DOT1L: variants seen among roughly 807,000 people sequenced by gnomAD.
The protein encoded by DOT1L is DOT1 like histone lysine methyltransferase.
DOT1L carries 33 observed loss-of-function variants against 153.3 expected under a neutral mutation model. The observed-to-expected ratio is 0.22, with a 90% CI of 0.16 to 0.29. The LOEUF (loss-of-function observed/expected upper bound fraction) is 0.29. Among genes scored for constraint, DOT1L ranks in the 10% least tolerant of loss-of-function variants. The probability of loss-of-function intolerance (pLI) is 1.00; values close to 1 mark genes in which losing one functional copy is unlikely to be tolerated. For missense variants in DOT1L, 1,847 were observed against 2,119.9 expected, an observed-to-expected ratio of 0.87 and a Z score of 2.53; for synonymous variants, 1,135 against 965.1, an observed-to-expected ratio of 1.18 and a Z score of -3.26.
intron 1 of DOT1L, among the ~76,000 whole-genome samples, chr19:2,177,079 C>T (rs974595905): frequency 6.6e-6 from 1 of 152,332 alleles, no homozygotes; most frequent in Middle Eastern, 3.4e-3. Context: ...CTGCACCCTG[C>T]AACATCCCGC....
Position 2,220,190 on chromosome 19 carries a change from C to T in DOT1L, c.2774C>T (p.Ala925Val), listed in dbSNP as rs2144891353. The stretch of plus-strand genomic sequence containing the variant: ...CAGATTGGTGCTAATGCCCACGGTG[C>T]TGGGAGCAGAAGCCTTGCCCTGGCC... ...EKQIGANAHGAGSRSLALAPA... is the reference protein window; with the variant it reads ...EKQIGANAHGVGSRSLALAPA... The change falls in exon 23 of 28, where the codon GCT becomes GTT. Residue 925 changes from alanine to valine, a missense_variant. This residue lies in a region of DOT1L where 68 missense variants were observed against 80.7 expected (regional missense o/e 0.84). Transcript: ENST00000398665. The surrounding 1 kb of genome is among the most constrained non-coding windows in gnomAD (Gnocchi z 4.5). 6.2e-7 allele frequency: 1 copy of T among 1,613,682 alleles called. No homozygotes were observed. Among genetic ancestry groups the T allele is most frequent in the Non-Finnish European group, 8.5e-7 (1 of 1,179,992 alleles).
At position 2,222,214 on chromosome 19, in the gene DOT1L, C is replaced by A. The variant is rs367797353; in HGVS notation, c.3045C>A (p.Ala1015=). 1.2e-6 allele frequency: 2 copies of A among 1,613,066 alleles called. No individual in the cohort carries two copies. Among genetic ancestry groups the A allele is most frequent in the African/African-American group, 2.7e-5 (2 of 75,050 alleles). Reference sequence around the variant, plus strand: ...CCTCCAGTCCCCGGCTTGGTGGGGCCGCCCAGGGCCCGTTGCCCGAGGCCA... The same window carrying A: ...CCTCCAGTCCCCGGCTTGGTGGGGCAGCCCAGGGCCCGTTGCCCGAGGCCA... ...QLSSSPRLGG[A]AQGPLPEASK... Residue 1015 remains alanine (A), a synonymous_variant, in exon 24 of 28, where the codon GCC becomes GCA. Transcript: ENST00000398665. This position sits in a 1 kb window ranked among gnomAD's most constrained non-coding sequence, Gnocchi z 6.5.
chr19:2,230,260 CT>C lies in DOT1L; in HGVS notation c.*469del, dbSNP rs2024541106. 2 of 427,374 alleles carry C rather than the reference CT, an allele frequency of 4.7e-6. No individual in the cohort carries two copies. The highest frequency in any genetic ancestry group is 8.2e-6 in the Non-Finnish European group (2 of 243,792). The allele number at this position is 427,374 out of a possible 1,614,324, so 26.5% of individuals were successfully genotyped here. On this transcript the variant is annotated 3_prime_UTR_variant, in exon 28 of 28. Transcript: ENST00000398665. ...GTTCTCGGAAACGCCGCCCGGCCGG[CT>C]CCCCCGACGCGCTGCTCCCGTACCA... is the stretch of plus-strand genomic sequence containing the variant.
chr19:2,223,897 A>T (rs1156562294), intron 25 of DOT1L, among the ~76,000 whole-genome samples: 2 of 152,158 alleles, frequency 1.3e-5, no homozygotes, highest in African/African-American at 4.8e-5. Context: ...GTATATCCAC[A>T]TTACCACTGC....
At position 2,220,260 on chromosome 19, in the gene DOT1L, T is replaced by G; in HGVS notation, c.2806+38T>G. 2 of 1,571,222 alleles carry G rather than the reference T, an allele frequency of 1.3e-6. No homozygotes were observed. The highest frequency in any genetic ancestry group is 1.7e-6 in the Non-Finnish European group (2 of 1,152,994). ...CTGTGCCCTACCCTCAGGACTCTGC[T>G]GCTGCTGCTGCTCTTCAGGCAGGAG... On this transcript the variant is annotated intron_variant, in intron 23 of 27. Coordinates refer to ENST00000398665, the MANE Select transcript of DOT1L (RefSeq NM_032482.3). This position sits in a 1 kb window ranked among gnomAD's most constrained non-coding sequence, Gnocchi z 4.5.
In DOT1L at chr19:2,217,995, CTT is replaced by C; in HGVS notation, c.2691+79_2691+80del. 2 of 1,542,696 alleles carry C rather than the reference CTT, an allele frequency of 1.3e-6. No individual in the cohort carries two copies. Among genetic ancestry groups the C allele is most frequent in the Non-Finnish European group, 1.7e-6 (2 of 1,144,590 alleles). On this transcript the variant is annotated intron_variant, in intron 22 of 27. Coordinates refer to ENST00000398665, the MANE Select transcript of DOT1L (RefSeq NM_032482.3). The surrounding 1 kb of genome is among the most constrained non-coding windows in gnomAD (Gnocchi z 7.3). The stretch of plus-strand genomic sequence containing the variant: ...TCTGGGGTGCTCGAGACCTGGCTCA[CTT>C]TGCGAAGTCTCACGCTGTAAAATGT...
chr19:2,196,348 T>G (rs569019286), intron 7 of DOT1L, among the ~76,000 whole-genome samples: 1 of 152,318 alleles, frequency 6.6e-6, no homozygotes, highest in East Asian at 1.9e-4. Context: ...TTTGTGCATG[T>G]GTGAAAGAAA....
At position 2,197,632 on chromosome 19, in the gene DOT1L, G is replaced by A. The variant is rs937667717; in HGVS notation, c.652-2252G>A. Reference sequence around the variant, plus strand: ...ACAGGTGCTCCTGGCATGGAGCTGCGTTCGTGGTCTGGATTCCGTGCAGGT... The same window carrying A: ...ACAGGTGCTCCTGGCATGGAGCTGCATTCGTGGTCTGGATTCCGTGCAGGT... On this transcript the variant is annotated intron_variant, in intron 7 of 27. Transcript: ENST00000398665. This position sits in a 1 kb window ranked among gnomAD's most constrained non-coding sequence, Gnocchi z 4.1. Among the ~76,000 whole-genome samples the A allele has an allele frequency of 3.3e-5, 5 of 152,186 alleles. No homozygotes were observed. The highest frequency in any genetic ancestry group is 7.2e-5 in the African/African-American group (3 of 41,434).
chr19:2,197,351 G>A lies in DOT1L; in HGVS notation c.652-2533G>A, dbSNP rs1367313455. On this transcript the variant is annotated intron_variant, in intron 7 of 27. Coordinates refer to ENST00000398665, the MANE Select transcript of DOT1L (RefSeq NM_032482.3). This position sits in a 1 kb window ranked among gnomAD's most constrained non-coding sequence, Gnocchi z 4.1. ...ACATGGGTTCCTGGCTGTGGCAGGC[G>A]AGCCACACAGATCCCAGCACAGAGG... 4.6e-5 allele frequency among the ~76,000 whole-genome samples: 7 copies of A among 152,138 alleles called. No homozygotes were observed. The highest frequency in any genetic ancestry group is 1.9e-4 in the East Asian group (1 of 5,194).
At chr19:2,164,325 G>T in intron 1 of DOT1L, 60 bp downstream of exon 1, 1 of 1,188,920 alleles carries the variant, frequency 8.4e-7, no homozygotes, top group Non-Finnish European at 1.1e-6. Context: ...CGCCCCTGGG[G>T]ACACCCCAAA....
At chr19:2,192,548 C>CTGT in intron 5 of DOT1L, among the ~76,000 whole-genome samples, 1 of 152,012 alleles carries the variant, frequency 6.6e-6, no homozygotes. Context: ...TGGCGCGCGC[C>CTGT]TGTAATCCCA....
chr19:2,202,678 G>T, intron 8 of DOT1L, 22 bp from the exon 9 acceptor site: 1 of 1,612,610 alleles, frequency 6.2e-7, no homozygotes, highest in South Asian at 1.1e-5. Context: ...TCATGGCACT[G>T]AACTGGAGTA....
chr19:2,221,838 T>C, intron 23 of DOT1L, 138 bp from the exon 24 acceptor site: 1 of 925,400 alleles, frequency 1.1e-6, no homozygotes, highest in Non-Finnish European at 1.6e-6. Flanking sequence ...AGAGGGGCCG[T>C]TTTCAGACTC....
chr19:2,171,056 A>G (rs1002133511), intron 1 of DOT1L, among the ~76,000 whole-genome samples: 7 of 152,152 alleles, frequency 4.6e-5, no homozygotes, highest in Non-Finnish European at 1.0e-4. Flanking sequence ...TCCGCCTCCC[A>G]GGCTGAAAGG....
In DOT1L at chr19:2,211,082, G is replaced by A; in HGVS notation, c.1352-17G>A. 1 of 1,608,886 alleles carries A rather than the reference G, an allele frequency of 6.2e-7. No homozygotes were observed. The highest frequency in any genetic ancestry group is 8.5e-7 in the Non-Finnish European group (1 of 1,176,680). Reference sequence around the variant, plus strand: ...CCCGACCCGCCCTGTGCTGACGCCTGCCCTCCGCTCTCCCAGATGCCTACA... The same window carrying A: ...CCCGACCCGCCCTGTGCTGACGCCTACCCTCCGCTCTCCCAGATGCCTACA... On this transcript the variant is annotated splice_polypyrimidine_tract_variant and intron_variant, in intron 14 of 27. Transcript: ENST00000398665.
In DOT1L at chr19:2,225,063, GCT is replaced by G. The variant is rs368134139; in HGVS notation, c.3597-322_3597-321del. Among the ~76,000 whole-genome samples, 6 of 152,340 alleles carry G rather than the reference GCT, an allele frequency of 3.9e-5. No homozygotes were observed. The South Asian group carries it at 1.2e-3, about 32-fold the overall frequency. On this transcript the variant is annotated intron_variant, in intron 25 of 27. Coordinates refer to ENST00000398665, the MANE Select transcript of DOT1L (RefSeq NM_032482.3). ...GCCGGGAGAGGGAGGTAGGAAGAGA[GCT>G]CTGTCTGGGATTCTCACACTTCTGT...
rs149636706 is a variant in DOT1L, at chr19:2,216,526, C to T, written c.2169C>T (p.Cys723=). The T allele has an allele frequency of 2.3e-5, 37 of 1,611,840 alleles. No individual in the cohort carries two copies. Among genetic ancestry groups the T allele is most frequent in the Admixed American group, 1.7e-4 (10 of 59,998 alleles). The change falls in exon 20 of 28, where the codon TGC becomes TGT. Residue 723 remains cysteine, a synonymous_variant. Coordinates refer to ENST00000398665, the MANE Select transcript of DOT1L (RefSeq NM_032482.3). Reference sequence around the variant, plus strand: ...GCCAGGCTGCTGGCTATGAGCTCTGCGGTGTGCTGAGCCGGCCTTCGTCGA... The same window carrying T: ...GCCAGGCTGCTGGCTATGAGCTCTGTGGTGTGCTGAGCCGGCCTTCGTCGA... ...MNGQAAGYEL[C]GVLSRPSSKQ... is the part of the protein sequence containing the mutation.
intron 7 of DOT1L, among the ~76,000 whole-genome samples, chr19:2,199,335 G>T (rs762871233): frequency 7.2e-5 from 11 of 152,196 alleles, no homozygotes; most frequent in Non-Finnish European, 1.2e-4. Flanking sequence ...CCCTGTGTGC[G>T]TGTTTCTTGT....
chr19:2,184,643 C>T (rs1039897440), intron 2 of DOT1L, among the ~76,000 whole-genome samples: 1 of 152,158 alleles, frequency 6.6e-6, no homozygotes, highest in African/African-American at 2.4e-5. Context: ...TGACTGGTCC[C>T]GTGCCCTTTC....
Sources: allele counts gnomAD v4.1 joint callset (sites outside exome capture counted in the v4.1 genomes callset), GRCh38; gene constraint gnomAD v4.1.1; regional missense constraint gnomAD v4.1.1; non-coding constraint Gnocchi (gnomAD v3.1); transcripts MANE v1.5; gene names NCBI Gene and HGNC (gene_info 2026-07-23, HGNC 2026-07-21).